TOM1L2: variants seen among roughly 807,000 people sequenced by gnomAD.
TOM1L2 encodes target of myb1 like 2 membrane trafficking protein, also known as TOM1-like protein 2.
In TOM1L2, 31 loss-of-function variants were observed where a neutral mutation model predicts 67.9. The ratio of observed to expected loss-of-function variants is 0.46; its 90% confidence interval spans 0.34 to 0.62. The LOEUF (loss-of-function observed/expected upper bound fraction) is 0.62, where lower values mean the gene tolerates loss of function less well. Ranked by LOEUF, TOM1L2 falls within the 20% of genes least tolerant of loss-of-function variation. The pLI is 0.01. For synonymous variants in TOM1L2, 256 were observed against 254.0 expected, an observed-to-expected ratio of 1.01 and a Z score of -0.07; for missense variants, 606 against 663.5, an observed-to-expected ratio of 0.91 and a Z score of 0.95.
At chr17:17,896,165 C>G (rs1489322785) in intron 3 of TOM1L2, among the ~76,000 whole-genome samples, 2 of 152,042 alleles carry the variant, frequency 1.3e-5, no homozygotes, top group African/African-American at 2.4e-5. Flanking sequence ...CTGAAATGAA[C>G]CAGAGGGGTT....
rs747599352 is a variant in TOM1L2, at chr17:17,869,434, C to T, written c.817G>A (p.Val273Met). 9.9e-6 allele frequency: 16 copies of T among 1,612,986 alleles called. No individual in the cohort carries two copies. The highest frequency in any genetic ancestry group is 2.2e-5 in the East Asian group (1 of 44,894). Residue 273 changes from valine to methionine, a missense_variant, in exon 8 of 15, where the codon GTG (valine) becomes ATG (methionine). Transcript: ENST00000379504. ...TTGGACACGCGGGAGATGAGCTCCA[C>T]GATGCGCTGCTGCATGGCCCGACAG... The part of the protein sequence containing the change: ...RTCRAMQQRI[V>M]ELISRVSNEE...
At chr17:17,904,169 C>A (rs1210143054) in intron 2 of TOM1L2, among the ~76,000 whole-genome samples, 1 of 152,086 alleles carries the variant, frequency 6.6e-6, no homozygotes, top group African/African-American at 2.4e-5. Flanking sequence ...GCAGAGGCAA[C>A]AAGAAAACAT....
intron 1 of TOM1L2, among the ~76,000 whole-genome samples, chr17:17,957,283 A>G (rs929212267): frequency 3.3e-5 from 5 of 152,238 alleles, no homozygotes; most frequent in Admixed American, 1.3e-4. Context: ...TCCCTTATAC[A>G]GCCTTTCAAA....
rs2036632886 is a variant in TOM1L2, at chr17:17,862,824, C to T, written c.1109G>A (p.Gly370Asp). Residue 370 changes from glycine to aspartate, a missense_variant, in exon 11 of 15, where the codon GGC (glycine) becomes GAC (aspartate). Around this residue, in one of 2 missense-constraint regions of TOM1L2, gnomAD observed 543 missense variants for 554.0 expected, o/e 0.98. Coordinates refer to ENST00000379504, the MANE Select transcript of TOM1L2 (RefSeq NM_001082968.2). ...ACATTGCTGGAGTGAACTGAGGGTGCCACTGACGCTCTCTGTCCCCAAGTC... is the reference window on the plus strand; with the variant it reads ...ACATTGCTGGAGTGAACTGAGGGTGTCACTGACGCTCTCTGTCCCCAAGTC... ...GLDLGTESVSGTLSSLQQCNP... is the reference protein window; with the variant it reads ...GLDLGTESVSDTLSSLQQCNP... 1 of 1,614,108 alleles carries T rather than the reference C, an allele frequency of 6.2e-7. No individual in the cohort carries two copies. The highest frequency in any genetic ancestry group is 1.7e-5 in the Admixed American group (1 of 60,022).
rs147947479 is a variant in TOM1L2 at position 17,844,598 on chromosome 17, C to G, written c.*3037G>C. 1.3e-5 allele frequency: 2 copies of G among 152,448 alleles called. No individual in the cohort carries two copies. Among genetic ancestry groups the G allele is most frequent in the African/African-American group, 2.4e-5 (1 of 41,594 alleles). The allele number at this position is 152,448 out of a possible 1,614,324, so 9.4% of individuals were successfully genotyped here. A position where few individuals can be genotyped will look rare whatever the true frequency, so the allele number is the denominator to read the frequency against. ...TGTCCCATGCACGCTGGTAAGCGAG[C>G]CAGTCATTCTCTCAGCCTGGCCACA... On this transcript the variant is annotated 3_prime_UTR_variant, in exon 15 of 15. Transcript: ENST00000379504.
At position 17,847,564 on chromosome 17, in the gene TOM1L2, G is replaced by T; in HGVS notation, c.*71C>A. Reference sequence around the variant, plus strand: ...GCCGTGTGGAGCTGGGGATGTAGGAGTGGCCAGTGCCCGGTGTCCACGGGG... The same window carrying T: ...GCCGTGTGGAGCTGGGGATGTAGGATTGGCCAGTGCCCGGTGTCCACGGGG... On this transcript the variant is annotated 3_prime_UTR_variant, in exon 15 of 15. Coordinates refer to ENST00000379504, the MANE Select transcript of TOM1L2 (RefSeq NM_001082968.2). 6.5e-7 allele frequency: 1 copy of T among 1,532,992 alleles called. No homozygotes were observed. Among genetic ancestry groups the T allele is most frequent in the Non-Finnish European group, 8.7e-7 (1 of 1,143,470 alleles). 95.0% of individuals were successfully genotyped at this position (1,532,992 alleles called of 1,614,324 possible).
chr17:17,889,007 G>GCAC (rs1190009951), intron 4 of TOM1L2, among the ~76,000 whole-genome samples: 1 of 152,218 alleles, frequency 6.6e-6, no homozygotes, highest in Non-Finnish European at 1.5e-5. Flanking sequence ...CAACCAGGCT[G>GCAC]CACCACTCTC....
At chr17:17,883,713 G>A (rs538197019) in intron 5 of TOM1L2, among the ~76,000 whole-genome samples, 15 of 152,104 alleles carry the variant, frequency 9.9e-5, no homozygotes, top group African/African-American at 2.9e-4. Context: ...CAGCCTGGGC[G>A]ACACAGCAAG....
intron 1 of TOM1L2, among the ~76,000 whole-genome samples, chr17:17,939,185 T>G (rs1333279432): frequency 6.6e-6 from 1 of 152,228 alleles, no homozygotes; most frequent in East Asian, 1.9e-4. Context: ...AGTGTGACTT[T>G]CTCTCCCTAA....
At chr17:17,867,001 A>T (rs1448766968) in intron 8 of TOM1L2, 77 bp from the exon 9 acceptor site, 1 of 1,407,546 alleles carries the variant, frequency 7.1e-7, no homozygotes, top group Non-Finnish European at 1.0e-6. Context: ...CACTAGTCCT[A>T]TGAAGAATCC....
At position 17,882,789 on chromosome 17, in the gene TOM1L2, A is replaced by G; in HGVS notation, c.576T>C (p.Tyr192=). 1 of 1,614,192 alleles carries G rather than the reference A, an allele frequency of 6.2e-7. No homozygotes were observed. Among genetic ancestry groups the G allele is most frequent in the Middle Eastern group, 1.6e-4 (1 of 6,062 alleles). ...QSQQRTSAGS[Y]SSPPPAPYSA... is the part of the protein sequence containing the mutation. ...AGTAGGGAGCAGGAGGCGGCGAGGAATAGGAACCAGCACTTGTCCTCTGCT... is the reference window on the plus strand; with the variant it reads ...AGTAGGGAGCAGGAGGCGGCGAGGAGTAGGAACCAGCACTTGTCCTCTGCT... Residue 192 remains tyrosine, a synonymous_variant, in exon 6 of 15, where the codon TAT becomes TAC. Transcript: ENST00000379504.
At chr17:17,922,525 G>C (rs2039919129) in intron 1 of TOM1L2, among the ~76,000 whole-genome samples, 1 of 152,210 alleles carries the variant, frequency 6.6e-6, no homozygotes, top group South Asian at 2.1e-4. Flanking sequence ...TGCTCAGTGA[G>C]AAAAGGAGAC....
At chr17:17,874,169 T>A (rs2037303800) in intron 7 of TOM1L2, among the ~76,000 whole-genome samples, 1 of 152,110 alleles carries the variant, frequency 6.6e-6, no homozygotes, top group Admixed American at 6.5e-5. Context: ...TTAGTCAGGA[T>A]GGTTTCAATA....
chr17:17,848,327 G>C (rs918182865), intron 14 of TOM1L2, among the ~76,000 whole-genome samples: 2 of 152,200 alleles, frequency 1.3e-5, no homozygotes, highest in Admixed American at 1.3e-4. Context: ...AGCACGGAGA[G>C]GCAGATGGAG....
chr17:17,861,497 AT>A lies in TOM1L2; in HGVS notation c.1256del (p.Asn419IlefsTer28), dbSNP rs1402344828. Reference protein sequence around the residue: ...AVGGLASALDNRKQSSEGIPV... With the variant: ...AVGGLASALDXRKQSSEGIPV... The stretch of plus-strand genomic sequence containing the variant: ...CTACCCCTTCTGAACTCTGTTTTCG[AT>A]TGTCTAGTGCAGAAGCAAGTCCTCC... On this transcript the variant is annotated frameshift_variant, in exon 12 of 15. Transcript: ENST00000379504. LOFTEE classifies it high-confidence loss of function. The A allele has an allele frequency of 6.2e-7, 1 of 1,614,034 alleles. No homozygotes were observed. Among genetic ancestry groups the A allele is most frequent in the Non-Finnish European group, 8.5e-7 (1 of 1,179,986 alleles).
chr17:17,911,739 G>A (rs891578753), intron 1 of TOM1L2, among the ~76,000 whole-genome samples: 2 of 149,904 alleles, frequency 1.3e-5, no homozygotes, highest in East Asian at 2.0e-4. Flanking sequence ...ATAGTGGAGG[G>A]AAGGTCAGCA....
rs532088966 is a variant in TOM1L2, at chr17:17,845,805, A to C, written c.*1830T>G. On this transcript the variant is annotated 3_prime_UTR_variant, in exon 15 of 15. Coordinates refer to ENST00000379504, the MANE Select transcript of TOM1L2 (RefSeq NM_001082968.2). ...GGTCTGTCTTTGAGAAACATTGAGG[A>C]GGCAGGGGCTCATCAAGCATCAGGG... 1.0e-4 allele frequency: 16 copies of C among 152,466 alleles called. No individual in the cohort carries two copies. Among genetic ancestry groups the C allele is most frequent in the Non-Finnish European group, 1.8e-4 (12 of 68,136 alleles). 9.4% of individuals were successfully genotyped at this position (152,466 alleles called of 1,614,324 possible).
At chr17:17,869,641 CT>C in intron 7 of TOM1L2, 168 bp from the exon 8 acceptor site, 2 of 1,395,294 alleles carry the variant, frequency 1.4e-6, no homozygotes, top group African/African-American at 2.9e-5. Context: ...TCTTCACTGC[CT>C]GCCCCTCCTT....
intron 7 of TOM1L2, among the ~76,000 whole-genome samples, chr17:17,874,236 G>A (rs2037307750): frequency 1.3e-5 from 2 of 152,070 alleles, no homozygotes; most frequent in South Asian, 4.2e-4. Flanking sequence ...TTACAGGCGT[G>A]AGCCACCACG....
Sources: gnomAD v4.1 joint callset for allele counts (sites outside exome capture counted in the v4.1 genomes callset) on GRCh38, gnomAD v4.1.1 for gene constraint, gnomAD v4.1.1 regional missense constraint, MANE v1.5 for transcripts, NCBI Gene and HGNC (gene_info 2026-07-23, HGNC 2026-07-21) for gene names.